Variants in KIF1B observed in about 807,000 individuals in gnomAD.
KIF1B encodes kinesin-like protein KIF1B.
Under a neutral mutation model 241.9 loss-of-function variants are expected in KIF1B, and 76 were observed. The ratio of observed to expected loss-of-function variants is 0.31; its 90% CI spans 0.26 to 0.38. KIF1B has a LOEUF of 0.38. Ranked by LOEUF, KIF1B falls within the 10% of genes least tolerant of loss-of-function variation. The probability of loss-of-function intolerance (pLI) is 1.00; values close to 1 mark genes in which losing one functional copy is unlikely to be tolerated. For synonymous variants in KIF1B, 750 were observed against 796.7 expected (o/e 0.94, Z 0.99); for missense variants, 1,622 against 2,271.4 (o/e 0.71, Z 5.81).
Position 10,337,246 on chromosome 1 carries a change from A to T in KIF1B, c.3259+43A>T. Reference sequence around the variant, plus strand: ...ACTGTGCTTGGGGACATTTTCGACAAAGGGAAAATATTGACCATTATCAAG... The same window carrying T: ...ACTGTGCTTGGGGACATTTTCGACATAGGGAAAATATTGACCATTATCAAG... On this transcript the variant is annotated intron_variant, in intron 30 of 48. Transcript: ENST00000676179. The surrounding 1 kb of genome is among the most constrained non-coding windows in gnomAD (Gnocchi z 4.0). 1 of 1,613,966 alleles carries T rather than the reference A, an allele frequency of 6.2e-7. No individual in the cohort carries two copies. Among genetic ancestry groups the T allele is most frequent in the Non-Finnish European group, 8.5e-7 (1 of 1,179,886 alleles).
rs189264558 is a variant in KIF1B at position 10,378,280 on chromosome 1, A to G, written c.*1693A>G. ...CTGCTCCTCTCCATCTGGTGTGGAA[A>G]CACTGCCCAGGGAGAAAGGAGGAAG... On this transcript the variant is annotated 3_prime_UTR_variant, in exon 49 of 49. Transcript: ENST00000676179. The G allele has an allele frequency of 6.4e-4, 461 of 717,178 alleles. No individual in the cohort carries two copies. The highest frequency in any genetic ancestry group is 1.3e-4 in the East Asian group (5 of 37,292). 44.4% of individuals were successfully genotyped at this position (717,178 alleles called of 1,614,324 possible). A position where few individuals can be genotyped will look rare whatever the true frequency, so the allele number is the denominator to read the frequency against.
intron 2 of KIF1B, among the ~76,000 whole-genome samples, chr1:10,248,744 G>A (rs1490858411): frequency 1.3e-5 from 2 of 151,052 alleles, no homozygotes; most frequent in Non-Finnish European, 1.5e-5. Flanking sequence ...GGGTGGTCAC[G>A]ATGGTGGTGG....
At chr1:10,351,810 T>A (rs1209616801) in intron 37 of KIF1B, among the ~76,000 whole-genome samples, 1 of 151,650 alleles carries the variant, frequency 6.6e-6, no homozygotes, top group Admixed American at 6.6e-5. Flanking sequence ...TACAAAAAAA[T>A]AAAATAAAAT....
intron 22 of KIF1B, among the ~76,000 whole-genome samples, chr1:10,298,395 C>T (rs1280780414): frequency 6.6e-6 from 1 of 152,180 alleles, no homozygotes; most frequent in Non-Finnish European, 1.5e-5. Flanking sequence ...CCTCAGTTCT[C>T]AGGCATGGGC....
intron 29 of KIF1B, 128 bp downstream of exon 29, chr1:10,336,870 TGG>T: frequency 9.3e-7 from 1 of 1,079,276 alleles, no homozygotes; most frequent in Admixed American, 1.8e-5. Flanking sequence ...CAATAGAATA[TGG>T]GACATGTCTA....
chr1:10,250,802 G>C (rs1418252308), intron 2 of KIF1B, among the ~76,000 whole-genome samples: 1 of 152,202 alleles, frequency 6.6e-6, no homozygotes, highest in African/African-American at 2.4e-5. Flanking sequence ...CTCCAGCCTG[G>C]GTGACAGACC....
chr1:10,292,799 C>G (rs1397726119), intron 17 of KIF1B, among the ~76,000 whole-genome samples: 1 of 152,160 alleles, frequency 6.6e-6, no homozygotes, highest in East Asian at 1.9e-4. Flanking sequence ...TAGAAAATGA[C>G]TATCAAATGG....
intron 41 of KIF1B, among the ~76,000 whole-genome samples, 163 bp from the exon 42 acceptor site, chr1:10,364,937 C>T (rs958149179): frequency 3.4e-5 from 5 of 146,634 alleles, no homozygotes; most frequent in Non-Finnish European, 7.4e-5. Flanking sequence ...ACCCAGGAGG[C>T]GGAGCTTGCA....
chr1:10,254,195 T>A (rs1301112980), intron 2 of KIF1B, among the ~76,000 whole-genome samples: 2 of 152,226 alleles, frequency 1.3e-5, no homozygotes, highest in African/African-American at 2.4e-5. Context: ...GTCCCTGAAA[T>A]ATAGTGTGAC....
intron 22 of KIF1B, among the ~76,000 whole-genome samples, chr1:10,311,817 C>T (rs1310627107): frequency 6.6e-6 from 1 of 151,432 alleles, no homozygotes; most frequent in East Asian, 1.9e-4. Flanking sequence ...TTCCCCCTTC[C>T]ATTTTTGTAC....
chr1:10,304,837 G>A, intron 22 of KIF1B: 1 of 1,422,680 alleles, frequency 7.0e-7, no homozygotes, highest in Non-Finnish European at 9.1e-7. Flanking sequence ...ACCATAAATG[G>A]GCAGTTTCTG....
intron 5 of KIF1B, among the ~76,000 whole-genome samples, chr1:10,263,464 G>C (rs1021840396): frequency 1.3e-5 from 2 of 151,850 alleles, no homozygotes; most frequent in African/African-American, 4.8e-5. Context: ...AAGCGATCTT[G>C]AGATTTTTTT....
At chr1:10,341,216 G>A (rs915524384) in intron 32 of KIF1B, among the ~76,000 whole-genome samples, 2 of 152,254 alleles carry the variant, frequency 1.3e-5, no homozygotes, top group African/African-American at 4.8e-5. Flanking sequence ...TGGGAGTGGA[G>A]AAAGGGAAAG....
In KIF1B at chr1:10,296,679, A is replaced by G. The variant is rs1218390540; in HGVS notation, c.1861+14A>G. On this transcript the variant is annotated intron_variant, in intron 20 of 48. Coordinates refer to ENST00000676179, the MANE Select transcript of KIF1B (RefSeq NM_001365951.3). Reference sequence around the variant, plus strand: ...AGCTGCGCTCAGGTGAGACTGGGAGAGGTTTGCCATCTTCAGCAATGTGCA... The same window carrying G: ...AGCTGCGCTCAGGTGAGACTGGGAGGGGTTTGCCATCTTCAGCAATGTGCA... The G allele has an allele frequency of 3.7e-6, 6 of 1,610,912 alleles. No homozygotes were observed. The African/African-American group carries it at 8.0e-5, about 22-fold the overall frequency.
At chr1:10,289,547 C>T (rs1011463271) in intron 15 of KIF1B, among the ~76,000 whole-genome samples, 2 of 152,144 alleles carry the variant, frequency 1.3e-5, no homozygotes, top group African/African-American at 2.4e-5. Context: ...TTGTCTGGAG[C>T]ACTTGCCACT....
rs1650279447 is a variant in KIF1B, at chr1:10,296,664, A to G, written c.1860A>G (p.Ser620=). ...KRVSQPVQLR[S]GNRIIMGKNH... is the part of the protein sequence containing the mutation. ...TGTCCCAGCCTGTTCAGCTGCGCTCAGGTGAGACTGGGAGAGGTTTGCCAT... is the reference window on the plus strand; with the variant it reads ...TGTCCCAGCCTGTTCAGCTGCGCTCGGGTGAGACTGGGAGAGGTTTGCCAT... The change falls in exon 20 of 49, where the codon TCA becomes TCG. Residue 620 remains serine, a splice_region_variant and synonymous_variant. Transcript: ENST00000676179. The G allele has an allele frequency of 6.2e-7, 1 of 1,613,648 alleles. No homozygotes were observed. Among genetic ancestry groups the G allele is most frequent in the South Asian group, 1.1e-5 (1 of 91,050 alleles).
intron 37 of KIF1B, among the ~76,000 whole-genome samples, chr1:10,349,244 GC>G (rs1652700052): frequency 6.6e-6 from 1 of 151,964 alleles, no homozygotes; most frequent in Non-Finnish European, 1.5e-5. Flanking sequence ...TTTGTGCCTG[GC>G]CAAGGTAGCA....
chr1:10,311,621 CTCT>C (rs1190773756), intron 22 of KIF1B, among the ~76,000 whole-genome samples: 2 of 151,496 alleles, frequency 1.3e-5, no homozygotes, highest in African/African-American at 4.9e-5. Context: ...GTCACAAAAG[CTCT>C]TCTTGATGAT....
At chr1:10,313,305 G>C (rs1277228161) in intron 22 of KIF1B, among the ~76,000 whole-genome samples, 1 of 151,354 alleles carries the variant, frequency 6.6e-6, no homozygotes, top group Non-Finnish European at 1.5e-5. Flanking sequence ...GACCTCAGGT[G>C]ATCCGTCCAC....
Sources: gnomAD v4.1 joint callset for allele counts (sites outside exome capture counted in the v4.1 genomes callset) on GRCh38, gnomAD v4.1.1 for gene constraint, Gnocchi (gnomAD v3.1) non-coding constraint, MANE v1.5 for transcripts, NCBI Gene and HGNC (gene_info 2026-07-23, HGNC 2026-07-21) for gene names.